The following ROBO1 variants were observed in gnomAD, a reference collection of about 807,000 sequenced individuals.
The protein encoded by ROBO1 is roundabout homolog 1.
In ROBO1, 149 loss-of-function variants were observed where a neutral mutation model predicts 195.9. That is an observed-to-expected ratio of 0.76 (90% CI 0.67 to 0.87). ROBO1 has a LOEUF of 0.87. ROBO1 is among the 40% of genes least tolerant of loss of function. ROBO1 has a pLI of 0.00. For missense variants in ROBO1, 1,933 were observed against 2,068.3 expected, an observed-to-expected ratio of 0.93 and a Z score of 1.27; for synonymous variants, 816 against 733.2, an observed-to-expected ratio of 1.11 and a Z score of -1.82.
intron 28 of ROBO1, among the ~76,000 whole-genome samples, chr3:78,612,627 T>C (rs546133534): frequency 6.6e-6 from 1 of 152,364 alleles, no homozygotes; most frequent in East Asian, 1.9e-4. Flanking sequence ...GACACAGCAT[T>C]GTTATTTTGT....
At chr3:78,839,222 C>A (rs1003623624) in intron 4 of ROBO1, among the ~76,000 whole-genome samples, 4 of 151,978 alleles carry the variant, frequency 2.6e-5, no homozygotes, top group African/African-American at 7.3e-5. Context: ...TATTTGATCA[C>A]CTGATCCTAA....
chr3:78,674,549 A>G (rs1708278211), intron 10 of ROBO1, among the ~76,000 whole-genome samples: 1 of 152,244 alleles, frequency 6.6e-6, no homozygotes, highest in Non-Finnish European at 1.5e-5. Context: ...CAAAACAGCA[A>G]ACACGAAATC....
chr3:79,442,313 G>T (rs1467116547), intron 2 of ROBO1, among the ~76,000 whole-genome samples: 15 of 152,028 alleles, frequency 9.9e-5, no homozygotes, highest in Admixed American at 9.8e-4. Context: ...TGTGCTTATT[G>T]TGGTGGTAAT....
intron 1 of ROBO1, among the ~76,000 whole-genome samples, chr3:79,760,193 C>T (rs11714508): frequency 0.33 from 43,889 of 133,702 alleles, 7,059 homozygotes; most frequent in East Asian, 0.39. Flanking sequence ...GCCGAGATCG[C>T]GCCACTGCAC....
chr3:78,726,771 G>C (rs1228138765), intron 5 of ROBO1, among the ~76,000 whole-genome samples: 1 of 152,062 alleles, frequency 6.6e-6, no homozygotes, highest in Non-Finnish European at 1.5e-5. Flanking sequence ...CATTCCCCTT[G>C]GTGAAATCAG....
At position 79,584,047 on chromosome 3, in the gene ROBO1, A is replaced by T. The variant is rs569413854; in HGVS notation, c.88+5777T>A. 1.2e-4 allele frequency among the ~76,000 whole-genome samples: 18 copies of T among 152,016 alleles called. No homozygotes were observed. The South Asian group carries it at 3.7e-3, about 32-fold the overall frequency. On this transcript the variant is annotated intron_variant, in intron 2 of 30. Coordinates refer to ENST00000464233, the MANE Select transcript of ROBO1 (RefSeq NM_002941.4). The stretch of plus-strand genomic sequence containing the variant: ...TTTTTACAAACCCATATATTTAACA[A>T]TTTATTGCTAACAATTTAGAAATTA...
At chr3:79,401,429 A>G (rs772700352) in intron 2 of ROBO1, among the ~76,000 whole-genome samples, 39 of 151,966 alleles carry the variant, frequency 2.6e-4, no homozygotes, top group East Asian at 5.8e-4. Context: ...TATAAAAGTG[A>G]ATTGGGTCTG....
intron 1 of ROBO1, among the ~76,000 whole-genome samples, chr3:79,710,459 C>G (rs73849821): frequency 2.6e-5 from 4 of 152,138 alleles, no homozygotes; most frequent in Admixed American, 1.3e-4. Flanking sequence ...AAACTATATT[C>G]GCAGCAAAAT....
chr3:78,775,346 G>A (rs1559842910), intron 4 of ROBO1, among the ~76,000 whole-genome samples: 1 of 152,042 alleles, frequency 6.6e-6, no homozygotes, highest in Admixed American at 6.5e-5. Flanking sequence ...AACAAAATAG[G>A]AAAATGTGCT....
chr3:79,038,117 A>G (rs1437512634), intron 3 of ROBO1, among the ~76,000 whole-genome samples: 2 of 152,202 alleles, frequency 1.3e-5, no homozygotes, highest in African/African-American at 4.8e-5. Flanking sequence ...ATTGAAGATG[A>G]TATCAGTTAC....
chr3:79,187,105 G>T (rs1355164261), intron 2 of ROBO1, among the ~76,000 whole-genome samples: 1 of 152,110 alleles, frequency 6.6e-6, no homozygotes, highest in Non-Finnish European at 1.5e-5. Context: ...AAGGTATCTA[G>T]TTATCCTTTA....
At chr3:79,312,888 T>A (rs2033552243) in intron 2 of ROBO1, among the ~76,000 whole-genome samples, 1 of 152,206 alleles carries the variant, frequency 6.6e-6, no homozygotes, top group South Asian at 2.1e-4. Context: ...AATAAATGTA[T>A]ACATGCATAC....
intron 1 of ROBO1, among the ~76,000 whole-genome samples, chr3:79,638,523 G>T (rs1034867353): frequency 6.6e-6 from 1 of 151,988 alleles, no homozygotes; most frequent in East Asian, 1.9e-4. Context: ...CAGGTGATCC[G>T]CCAGCCTGGA....
chr3:78,748,758 T>G (rs1392132028), intron 4 of ROBO1, among the ~76,000 whole-genome samples: 1 of 152,104 alleles, frequency 6.6e-6, no homozygotes, highest in South Asian at 2.1e-4. Flanking sequence ...TTTTCTAATC[T>G]GAATATTAAG....
chr3:78,999,185 A>G (rs780680436), intron 3 of ROBO1, among the ~76,000 whole-genome samples: 2 of 152,216 alleles, frequency 1.3e-5, no homozygotes, highest in East Asian at 3.9e-4. Context: ...CTTAGAACAG[A>G]ACTACTATTC....
chr3:79,060,841 A>G (rs187234233), intron 3 of ROBO1, among the ~76,000 whole-genome samples: 1 of 152,106 alleles, frequency 6.6e-6, no homozygotes, highest in African/African-American at 2.4e-5. Flanking sequence ...GTATTGATGG[A>G]CTATATCTCA....
intron 1 of ROBO1, among the ~76,000 whole-genome samples, chr3:79,611,467 G>A (rs181993226): frequency 5.1e-4 from 78 of 152,100 alleles, no homozygotes; most frequent in Non-Finnish European, 2.6e-4. Context: ...AGAAAGAATA[G>A]CAAAGACTTG....
chr3:79,701,831 ATG>A, intron 1 of ROBO1, among the ~76,000 whole-genome samples: 2 of 79,570 alleles, frequency 2.5e-5, no homozygotes, highest in South Asian at 6.4e-4. Context: ...TATATTTGAA[ATG>A]ATAATATTTT....
intron 4 of ROBO1, among the ~76,000 whole-genome samples, chr3:78,911,587 G>A (rs1032974024): frequency 3.9e-5 from 6 of 152,050 alleles, no homozygotes; most frequent in Non-Finnish European, 8.8e-5. Flanking sequence ...GGAAACTGCT[G>A]ATCCTGATCC....
Sources: allele counts gnomAD v4.1 joint callset (sites outside exome capture counted in the v4.1 genomes callset), GRCh38; gene constraint gnomAD v4.1.1; transcripts MANE v1.5; gene names NCBI Gene and HGNC (gene_info 2026-07-23, HGNC 2026-07-21).